Variants in FMNL2 observed in about 807,000 individuals in gnomAD.
FMNL2 encodes formin-like protein 2.
FMNL2 carries 51 observed loss-of-function variants against 130.2 expected under a neutral mutation model. The observed-to-expected ratio is 0.39, with a 90% CI of 0.31 to 0.49. The LOEUF is 0.49. Among genes scored for constraint, FMNL2 ranks in the 20% least tolerant of loss-of-function variants. The pLI is 0.85. For synonymous variants in FMNL2, 465 were observed against 467.1 expected (o/e 1.00, Z 0.06); for missense variants, 977 against 1,316.2 (o/e 0.74, Z 3.99).
chr2:152,525,612 A>G (rs1379784931), intron 2 of FMNL2, among the ~76,000 whole-genome samples: 1 of 152,230 alleles, frequency 6.6e-6, no homozygotes, highest in Non-Finnish European at 1.5e-5. Flanking sequence ...TTCTTTACTT[A>G]TATAAAGCGA....
At chr2:152,422,956 C>G (rs1686997996) in intron 1 of FMNL2, among the ~76,000 whole-genome samples, 1 of 152,128 alleles carries the variant, frequency 6.6e-6, no homozygotes, top group African/African-American at 2.4e-5. Flanking sequence ...TTTAAGGTAC[C>G]CTTCTCTGAT....
chr2:152,554,883 T>C (rs1695123558), intron 4 of FMNL2, among the ~76,000 whole-genome samples: 1 of 152,238 alleles, frequency 6.6e-6, no homozygotes, highest in Admixed American at 6.5e-5. Flanking sequence ...GTGCTTTTCC[T>C]TGAGACAACT....
chr2:152,507,624 T>A (rs1387241238), intron 1 of FMNL2, among the ~76,000 whole-genome samples: 1 of 152,210 alleles, frequency 6.6e-6, no homozygotes, highest in Non-Finnish European at 1.5e-5. Flanking sequence ...GCAAGTAGTT[T>A]CAGTTCTGTG....
rs796954245 is a variant in FMNL2, at chr2:152,375,877, C to CTCTCTATATATA, written c.117+40158_117+40159insCTCTATATATAT. Among the ~76,000 whole-genome samples, 175 of 112,462 alleles carry CTCTCTATATATA rather than the reference C, an allele frequency of 1.6e-3. 1 individual carries two copies. Among genetic ancestry groups the CTCTCTATATATA allele is most frequent in the African/African-American group, 5.4e-3 (155 of 28,914 alleles). The allele number at this position is 112,462 out of a possible 152,430, so 73.8% of individuals were successfully genotyped here. A position where few individuals can be genotyped will look rare whatever the true frequency, so the allele number is the denominator to read the frequency against. On this transcript the variant is annotated intron_variant, in intron 1 of 25. Transcript: ENST00000288670. ...TCTCTCTCTCTCTCTCTCTCTCTCT[C>CTCTCTATATATA]TATATATATATATATATATAATTAT... is the stretch of plus-strand genomic sequence containing the variant.
intron 1 of FMNL2, among the ~76,000 whole-genome samples, chr2:152,484,509 T>C (rs989530438): frequency 2.7e-5 from 4 of 150,282 alleles, no homozygotes; most frequent in Admixed American, 2.7e-4. Flanking sequence ...TGGTGGTGCC[T>C]ACCCAAAGTT....
intron 1 of FMNL2, among the ~76,000 whole-genome samples, chr2:152,501,639 G>A (rs549670718): frequency 6.6e-6 from 1 of 152,110 alleles, no homozygotes; most frequent in African/African-American, 2.4e-5. Context: ...GGAGCAAAGA[G>A]CCTGATTGTG....
intron 7 of FMNL2, chr2:152,578,540 T>G (rs772158987): frequency 3.6e-5 from 6 of 166,500 alleles, no homozygotes; most frequent in Non-Finnish European, 5.2e-5. Flanking sequence ...ATGTAGTTCA[T>G]TTGTAAAGAA....
rs541562146 is a variant in FMNL2, at chr2:152,383,264, C to G, written c.117+47544C>G. Among the ~76,000 whole-genome samples, 153 of 130,386 alleles carry G rather than the reference C, an allele frequency of 1.2e-3. 4 individuals carry two copies. In the South Asian group the frequency reaches 0.038, roughly 33 times the overall value. The allele number at this position is 130,386 out of a possible 152,430, so 85.5% of individuals were successfully genotyped here. ...GGAAACTTTTTAGGTGTGGACACTT[C>G]CGTTAATCCTTTTTTTTTTTTTTTT... On this transcript the variant is annotated intron_variant, in intron 1 of 25. Transcript: ENST00000288670.
intron 1 of FMNL2, among the ~76,000 whole-genome samples, chr2:152,419,770 A>C (rs1427003626): frequency 6.6e-6 from 1 of 152,096 alleles, no homozygotes; most frequent in Non-Finnish European, 1.5e-5. Context: ...AGACCACCCC[A>C]GGAGGACTGT....
chr2:152,645,135 G>A (rs893412351), intron 25 of FMNL2, among the ~76,000 whole-genome samples: 6 of 152,168 alleles, frequency 3.9e-5, no homozygotes, highest in African/African-American at 1.4e-4. Context: ...CTTATTAACA[G>A]GCTAGAAAAC....
At chr2:152,535,634 A>G (rs1456497731) in intron 2 of FMNL2, among the ~76,000 whole-genome samples, 1 of 152,182 alleles carries the variant, frequency 6.6e-6, no homozygotes, top group Non-Finnish European at 1.5e-5. Flanking sequence ...GAAACAGGGG[A>G]TCCAAACATG....
chr2:152,520,081 T>A (rs4664591), intron 1 of FMNL2, among the ~76,000 whole-genome samples: 110,915 of 152,086 alleles, frequency 0.73, 40,833 homozygotes, highest in East Asian at 0.96. Context: ...CCCAGGAGTT[T>A]TTTTTTAACA....
At chr2:152,454,527 C>T (rs1016294017) in intron 1 of FMNL2, among the ~76,000 whole-genome samples, 5 of 152,098 alleles carry the variant, frequency 3.3e-5, no homozygotes, top group African/African-American at 9.7e-5. Flanking sequence ...TGCTGGATCA[C>T]GGGTAGCATA....
intron 4 of FMNL2, among the ~76,000 whole-genome samples, chr2:152,553,400 C>G (rs999758284): frequency 1.1e-4 from 17 of 151,874 alleles, no homozygotes; most frequent in Non-Finnish European, 1.3e-4. Flanking sequence ...ACCATTAGCC[C>G]TGAATCCCTG....
At chr2:152,603,778 A>C (rs1189310975) in intron 9 of FMNL2, among the ~76,000 whole-genome samples, 2 of 151,034 alleles carry the variant, frequency 1.3e-5, no homozygotes, top group East Asian at 4.1e-4. Flanking sequence ...CAGTGGGTCC[A>C]TTCCTGCGGC....
intron 1 of FMNL2, among the ~76,000 whole-genome samples, chr2:152,362,211 C>T (rs577979247): frequency 5.3e-5 from 8 of 152,096 alleles, no homozygotes; most frequent in Non-Finnish European, 8.8e-5. Context: ...TTGTTTGACT[C>T]TCGGGATGGT....
intron 1 of FMNL2, among the ~76,000 whole-genome samples, chr2:152,501,829 C>G (rs1158619335): frequency 6.6e-6 from 1 of 152,130 alleles, no homozygotes. Context: ...TGTGAACCCC[C>G]TGCGATTTAC....
chr2:152,593,895 G>A, intron 9 of FMNL2, among the ~76,000 whole-genome samples: 1 of 96,774 alleles, frequency 1.0e-5, no homozygotes, highest in African/African-American at 3.9e-5. Flanking sequence ...GTGTGTGTGT[G>A]TGTGTGTGAG....
chr2:152,402,411 A>G (rs1305301381), intron 1 of FMNL2, among the ~76,000 whole-genome samples: 1 of 152,220 alleles, frequency 6.6e-6, no homozygotes, highest in Non-Finnish European at 1.5e-5. Context: ...GGAAAAGAGC[A>G]GAAAGTGCCA....
Sources: gnomAD v4.1 joint callset for allele counts (sites outside exome capture counted in the v4.1 genomes callset) on GRCh38, gnomAD v4.1.1 for gene constraint, MANE v1.5 for transcripts, NCBI Gene and HGNC (gene_info 2026-07-23, HGNC 2026-07-21) for gene names.